Variants in DNAH14 observed in about 807,000 individuals in gnomAD.
The protein encoded by DNAH14 is axonemal beta dynein heavy chain 14.
DNAH14 carries 478 observed loss-of-function variants against 520.9 expected under a neutral mutation model. That is an observed-to-expected ratio of 0.92 (90% CI 0.85 to 0.99). The LOEUF (loss-of-function observed/expected upper bound fraction) is 0.99. DNAH14 is among the 50% of genes least tolerant of loss of function. The pLI, the probability that DNAH14 is intolerant of heterozygous loss-of-function variation, is 0.00. For missense variants in DNAH14, 4,831 were observed against 5,234.5 expected (o/e 0.92, Z 2.38); for synonymous variants, 1,581 against 1,757.2 (o/e 0.90, Z 2.51).
intron 72 of DNAH14, among the ~76,000 whole-genome samples, chr1:225,352,356 C>T (rs2095377184): frequency 6.6e-6 from 1 of 152,092 alleles, no homozygotes; most frequent in Non-Finnish European, 1.5e-5. Context: ...AGAATACAAC[C>T]TAATTTGTTT....
At chr1:225,182,377 A>G (rs1471120449) in intron 36 of DNAH14, among the ~76,000 whole-genome samples, 2 of 152,192 alleles carry the variant, frequency 1.3e-5, no homozygotes, top group African/African-American at 4.8e-5. Flanking sequence ...AAAATGGGAA[A>G]TGTGAATATC....
chr1:225,351,735 A>G lies in DNAH14; in HGVS notation c.11385A>G (p.Glu3795=). ...RQCQYVSTHL[E]PFSLLCKSLL... Reference sequence around the variant, plus strand: ...GCCAATATGTCAGCACTCACCTGGAACCATTTTCACTTCTGTGCAAATCCC... The same window carrying G: ...GCCAATATGTCAGCACTCACCTGGAGCCATTTTCACTTCTGTGCAAATCCC... The change falls in exon 72 of 86, where the codon GAA becomes GAG. Residue 3795 remains glutamate (E), a synonymous_variant. Coordinates refer to ENST00000682510, the MANE Select transcript of DNAH14 (RefSeq NM_001367479.1). The G allele has an allele frequency of 1.9e-6, 3 of 1,551,336 alleles. No individual in the cohort carries two copies. Among genetic ancestry groups the G allele is most frequent in the Non-Finnish European group, 2.6e-6 (3 of 1,146,752 alleles).
At chr1:225,013,373 C>T (rs2929626) in intron 10 of DNAH14, among the ~76,000 whole-genome samples, 108,559 of 152,034 alleles carry the variant, frequency 0.71, 42,639 homozygotes, top group Non-Finnish European at 0.88. Context: ...AGATACCAGC[C>T]GGAGCTCTCC....
At chr1:225,110,550 T>C (rs2148815741) in intron 23 of DNAH14, among the ~76,000 whole-genome samples, 1 of 145,984 alleles carries the variant, frequency 6.9e-6, no homozygotes, top group East Asian at 1.9e-4. Context: ...ATTGTATTTA[T>C]TTGGGTCTTC....
intron 1 of DNAH14, among the ~76,000 whole-genome samples, chr1:224,934,494 G>A (rs946373838): frequency 6.6e-6 from 1 of 151,532 alleles, no homozygotes. Flanking sequence ...AAAAAATAAA[G>A]AAAAAAGTAT....
At position 225,152,891 on chromosome 1, in the gene DNAH14, G is replaced by A. The variant is rs1350744199; in HGVS notation, c.5196+8G>A. 6.5e-7 allele frequency: 1 copy of A among 1,542,804 alleles called. No individual in the cohort carries two copies. The highest frequency in any genetic ancestry group is 8.7e-7 in the Non-Finnish European group (1 of 1,145,064). On this transcript the variant is annotated splice_region_variant and intron_variant, in intron 33 of 85. Coordinates refer to ENST00000682510, the MANE Select transcript of DNAH14 (RefSeq NM_001367479.1). ...AAACAGCTCTCACAACAGGTAAATA[G>A]CTACTTTTCTCAAAATATTTAAAGG...
At chr1:224,967,228 A>G (rs933836388) in intron 5 of DNAH14, among the ~76,000 whole-genome samples, 1 of 152,100 alleles carries the variant, frequency 6.6e-6, no homozygotes, top group Non-Finnish European at 1.5e-5. Flanking sequence ...AAAATTAAAT[A>G]TATTAAATCT....
intron 8 of DNAH14, among the ~76,000 whole-genome samples, chr1:224,991,243 T>G (rs1251527994): frequency 6.7e-6 from 1 of 149,376 alleles, no homozygotes; most frequent in African/African-American, 2.5e-5. Context: ...TACAAGCATG[T>G]GCCACCATGC....
intron 42 of DNAH14, among the ~76,000 whole-genome samples, chr1:225,239,588 T>C (rs985298409): frequency 6.6e-6 from 1 of 152,208 alleles, no homozygotes; most frequent in Non-Finnish European, 1.5e-5. Context: ...CATTCCTCTT[T>C]GTGAGTGCCA....
chr1:225,312,802 T>C (rs1351417517), intron 60 of DNAH14, among the ~76,000 whole-genome samples: 3 of 152,224 alleles, frequency 2.0e-5, no homozygotes. Flanking sequence ...GCCAACTTGA[T>C]CGTGGTGGAT....
chr1:225,159,183 C>A lies in DNAH14; in HGVS notation c.5274-131C>A. The stretch of plus-strand genomic sequence containing the variant: ...TAATTCCACCCAAACCATATGGCTG[C>A]TATCCAGTGAGAGAGAGGAGGGAAG... On this transcript the variant is annotated intron_variant, in intron 34 of 85. Transcript: ENST00000682510. 4 of 691,200 alleles carry A rather than the reference C, an allele frequency of 5.8e-6. No individual in the cohort carries two copies. The East Asian group carries it at 1.1e-4, about 20-fold the overall frequency. The allele number at this position is 691,200 out of a possible 1,614,324, so 42.8% of individuals were successfully genotyped here. A position where few individuals can be genotyped will look rare whatever the true frequency, so the allele number is the denominator to read the frequency against.
At chr1:225,118,992 T>G (rs2077092183) in intron 25 of DNAH14, among the ~76,000 whole-genome samples, 1 of 152,120 alleles carries the variant, frequency 6.6e-6, no homozygotes, top group African/African-American at 2.4e-5. Flanking sequence ...GAAACTTATT[T>G]ATTGTGTAAA....
chr1:225,138,678 G>A (rs79255446), intron 27 of DNAH14, among the ~76,000 whole-genome samples: 11,114 of 152,134 alleles, frequency 0.073, 632 homozygotes, highest in East Asian at 0.24. Flanking sequence ...GCAAAGATTC[G>A]TGGGAAAAGC....
chr1:225,098,478 T>C (rs78179121), intron 22 of DNAH14, among the ~76,000 whole-genome samples: 6,339 of 152,316 alleles, frequency 0.042, 218 homozygotes, highest in Non-Finnish European at 0.061. Flanking sequence ...AGGCCTATTA[T>C]AGCAATGGAA....
intron 19 of DNAH14, 64 bp downstream of exon 19, chr1:225,080,812 A>G: frequency 1.4e-6 from 2 of 1,439,266 alleles, no homozygotes; most frequent in Non-Finnish European, 1.8e-6. Context: ...TTGGACATCA[A>G]GAGCATTGTC....
chr1:225,381,701 G>A, intron 81 of DNAH14, 122 bp downstream of exon 81: 1 of 829,006 alleles, frequency 1.2e-6, no homozygotes, highest in Non-Finnish European at 1.8e-6. Context: ...AAAAGATGCT[G>A]ACGTACTTTT....
chr1:225,246,474 A>G (rs1427734383), intron 43 of DNAH14, among the ~76,000 whole-genome samples: 1 of 152,208 alleles, frequency 6.6e-6, no homozygotes, highest in South Asian at 2.1e-4. Flanking sequence ...TTTGCGATCT[A>G]TCCATCTGAT....
intron 62 of DNAH14, among the ~76,000 whole-genome samples, chr1:225,323,987 T>G (rs1011655577): frequency 1.3e-5 from 2 of 152,220 alleles, no homozygotes; most frequent in East Asian, 3.9e-4. Flanking sequence ...AGCTAATTTT[T>G]GTATTTTTAG....
intron 41 of DNAH14, among the ~76,000 whole-genome samples, chr1:225,214,966 C>T (rs1026048121): frequency 5.3e-5 from 8 of 152,082 alleles, no homozygotes; most frequent in African/African-American, 1.7e-4. Flanking sequence ...AATGTGATTG[C>T]TCTTGCTTCT....
Sources: allele counts gnomAD v4.1 joint callset (sites outside exome capture counted in the v4.1 genomes callset), GRCh38; gene constraint gnomAD v4.1.1; transcripts MANE v1.5; gene names NCBI Gene and HGNC (gene_info 2026-07-23, HGNC 2026-07-21).